CNTN4: variants seen among roughly 807,000 people sequenced by gnomAD.
CNTN4 encodes contactin-4.
A neutral mutation model predicts 122.5 loss-of-function variants in CNTN4; 77 were observed. The ratio of observed to expected loss-of-function variants is 0.63; its 90% CI spans 0.52 to 0.76. The LOEUF (loss-of-function observed/expected upper bound fraction) is 0.76, where lower values mean the gene tolerates loss of function less well. Ranked by LOEUF, CNTN4 falls within the 30% of genes least tolerant of loss-of-function variation. The pLI, the probability that CNTN4 is intolerant of heterozygous loss-of-function variation, is 0.00. For missense variants in CNTN4, 1,256 were observed against 1,259.1 expected (o/e 1.00, Z 0.04); for synonymous variants, 512 against 447.0 (o/e 1.15, Z -1.83).
At chr3:2,584,939 A>C (rs35572789) in intron 4 of CNTN4, among the ~76,000 whole-genome samples, 15,074 of 152,094 alleles carry the variant, frequency 0.099, 987 homozygotes, top group Non-Finnish European at 0.14. Context: ...ATAGATAGAT[A>C]GATAGACAGA....
chr3:2,966,096 G>C (rs561441376), intron 13 of CNTN4, among the ~76,000 whole-genome samples: 6 of 152,226 alleles, frequency 3.9e-5, no homozygotes, highest in African/African-American at 1.4e-4. Context: ...TAGGTAGTGA[G>C]CACTACTAGC....
chr3:2,679,967 A>G (rs2085078808), intron 4 of CNTN4, among the ~76,000 whole-genome samples: 1 of 152,204 alleles, frequency 6.6e-6, no homozygotes. Flanking sequence ...ATATTTTGGA[A>G]TGGATTAATG....
At chr3:2,612,998 C>T (rs910424786) in intron 4 of CNTN4, among the ~76,000 whole-genome samples, 2 of 152,100 alleles carry the variant, frequency 1.3e-5, no homozygotes, top group Admixed American at 6.6e-5. Flanking sequence ...GTGAGCATTA[C>T]GTTTAAGAAC....
intron 3 of CNTN4, among the ~76,000 whole-genome samples, chr3:2,431,257 G>T (rs1470491116): frequency 6.6e-6 from 1 of 152,146 alleles, no homozygotes; most frequent in Non-Finnish European, 1.5e-5. Flanking sequence ...AGTATATTCT[G>T]TTATGAAGAG....
Position 2,385,577 on chromosome 3 carries a change from T to C in CNTN4, c.-89+46344T>C, listed in dbSNP as rs774162930. On this transcript the variant is annotated intron_variant, in intron 3 of 24. Coordinates refer to ENST00000418658, the MANE Select transcript of CNTN4 (RefSeq NM_175607.3). This position sits in a 1 kb window ranked among gnomAD's most constrained non-coding sequence, Gnocchi z 4.0. ...CAGGTGTTGGTAGGGCTGTGCTCCG[T>C]CTGTAACCTCTAGGGGAGGGTCGCA... is the stretch of plus-strand genomic sequence containing the variant. 9.9e-5 allele frequency among the ~76,000 whole-genome samples: 15 copies of C among 152,104 alleles called. No homozygotes were observed. Among genetic ancestry groups the C allele is most frequent in the Non-Finnish European group, 1.5e-4 (10 of 68,032 alleles).
At chr3:2,646,985 C>T (rs2083152017) in intron 4 of CNTN4, among the ~76,000 whole-genome samples, 1 of 152,178 alleles carries the variant, frequency 6.6e-6, no homozygotes, top group Non-Finnish European at 1.5e-5. Flanking sequence ...CATAATTTAG[C>T]TCATAATGCC....
intron 16 of CNTN4, among the ~76,000 whole-genome samples, chr3:3,032,683 T>A (rs1296905939): frequency 6.6e-6 from 1 of 152,182 alleles, no homozygotes; most frequent in Non-Finnish European, 1.5e-5. Context: ...CTATTTAACC[T>A]ATAGCACTGT....
intron 14 of CNTN4, among the ~76,000 whole-genome samples, chr3:3,010,160 A>T (rs1216982568): frequency 6.6e-6 from 1 of 152,004 alleles, no homozygotes; most frequent in East Asian, 1.9e-4. Flanking sequence ...CAGAAAGTAA[A>T]ATCCCAGAAT....
At chr3:2,596,341 A>T (rs975530687) in intron 4 of CNTN4, among the ~76,000 whole-genome samples, 1 of 152,190 alleles carries the variant, frequency 6.6e-6, no homozygotes, top group Non-Finnish European at 1.5e-5. Context: ...TACATTAAGC[A>T]TATTTATTTA....
In CNTN4 at chr3:2,148,645, C is replaced by G. The variant is rs543173399; in HGVS notation, c.-145+48006C>G. Among the ~76,000 whole-genome samples the G allele has an allele frequency of 7.2e-4, 110 of 152,106 alleles. 1 individual carries two copies. The highest frequency in any genetic ancestry group is 2.5e-3 in the African/African-American group (105 of 41,476). The stretch of plus-strand genomic sequence containing the variant: ...GGGCAGTGACAGTAGGGTAAAATTA[C>G]CCAGTTTGTGTAAATCTTATGAGGC... On this transcript the variant is annotated intron_variant, in intron 2 of 24. Coordinates refer to ENST00000418658, the MANE Select transcript of CNTN4 (RefSeq NM_175607.3).
chr3:2,428,221 T>A (rs1018126666), intron 3 of CNTN4, among the ~76,000 whole-genome samples: 2 of 152,202 alleles, frequency 1.3e-5, no homozygotes, highest in East Asian at 3.8e-4. Context: ...GGTTGTTGCT[T>A]TCCATGTTTA....
intron 2 of CNTN4, among the ~76,000 whole-genome samples, chr3:2,102,413 G>GCATGTTTAATTAAA (rs1406105355): frequency 6.6e-6 from 1 of 152,178 alleles, no homozygotes; most frequent in Non-Finnish European, 1.5e-5. Context: ...AAACATGAGA[G>GCATGTTTAATTAAA]CATGAGTCAA....
intron 2 of CNTN4, among the ~76,000 whole-genome samples, chr3:2,113,517 C>T (rs994322608): frequency 1.3e-5 from 2 of 152,136 alleles, no homozygotes; most frequent in Non-Finnish European, 2.9e-5. Context: ...GATTGATAGA[C>T]ATTGATTTGC....
intron 4 of CNTN4, among the ~76,000 whole-genome samples, chr3:2,666,068 C>T (rs923838185): frequency 3.9e-5 from 6 of 152,154 alleles, no homozygotes; most frequent in Admixed American, 3.3e-4. Flanking sequence ...AAGTTGTCTA[C>T]GCAGCATGCA....
chr3:3,034,545 G>A, intron 16 of CNTN4, 87 bp from the exon 17 acceptor site: 1 of 1,321,438 alleles, frequency 7.6e-7, no homozygotes, highest in Non-Finnish European at 1.1e-6. Context: ...ATAAATGAAT[G>A]GGTCAATGCC....
chr3:2,660,307 C>T (rs1033034802), intron 4 of CNTN4, among the ~76,000 whole-genome samples: 5 of 152,060 alleles, frequency 3.3e-5, no homozygotes, highest in Admixed American at 1.3e-4. Context: ...TTAAGAAAGA[C>T]GTCCTAATAT....
intron 6 of CNTN4, among the ~76,000 whole-genome samples, chr3:2,764,065 G>T (rs2090725929): frequency 6.6e-6 from 1 of 152,092 alleles, no homozygotes; most frequent in South Asian, 2.1e-4. Context: ...GACATTTCAA[G>T]TGAGGAGAAA....
intron 2 of CNTN4, among the ~76,000 whole-genome samples, chr3:2,317,654 T>C (rs2043150366): frequency 6.6e-6 from 1 of 152,222 alleles, no homozygotes; most frequent in Non-Finnish European, 1.5e-5. Context: ...GTCTTTCTTC[T>C]AGTTAATCTG....
chr3:2,455,213 G>A (rs1006301537), intron 3 of CNTN4, among the ~76,000 whole-genome samples: 1 of 152,126 alleles, frequency 6.6e-6, no homozygotes, highest in African/African-American at 2.4e-5. Context: ...TATGCAGGAA[G>A]CAATAGGCAA....
Sources: allele counts gnomAD v4.1 joint callset (sites outside exome capture counted in the v4.1 genomes callset), GRCh38; gene constraint gnomAD v4.1.1; non-coding constraint Gnocchi (gnomAD v3.1); transcripts MANE v1.5; gene names NCBI Gene and HGNC (gene_info 2026-07-23, HGNC 2026-07-21).